PTPN13: variants seen among roughly 807,000 people sequenced by gnomAD.
PTPN13 encodes tyrosine-protein phosphatase non-receptor type 13.
PTPN13 carries 191 observed loss-of-function variants against 284.0 expected under a neutral mutation model. The ratio of observed to expected loss-of-function variants is 0.67; its 90% CI spans 0.60 to 0.76. The LOEUF (loss-of-function observed/expected upper bound fraction) is 0.76, where lower values mean the gene tolerates loss of function less well. PTPN13 is among the 30% of genes least tolerant of loss of function. The pLI is 0.00. For synonymous variants in PTPN13, 986 were observed against 1,022.3 expected (o/e 0.96, Z 0.68); for missense variants, 2,797 against 2,939.9 (o/e 0.95, Z 1.12).
At chr4:86,791,440 G>A (rs1310403870) in intron 40 of PTPN13, among the ~76,000 whole-genome samples, 3 of 152,206 alleles carry the variant, frequency 2.0e-5, no homozygotes, top group Non-Finnish European at 4.4e-5. Flanking sequence ...AGAACAAAAG[G>A]AAGCAGACAG....
At chr4:86,793,634 C>G (rs995732336) in intron 40 of PTPN13, among the ~76,000 whole-genome samples, 3 of 152,174 alleles carry the variant, frequency 2.0e-5, no homozygotes, top group Admixed American at 6.6e-5. Context: ...TGTAAAAGAA[C>G]AGAAATTATA....
At chr4:86,769,145 A>G (rs180770468) in intron 28 of PTPN13, among the ~76,000 whole-genome samples, 14 of 152,284 alleles carry the variant, frequency 9.2e-5, no homozygotes, top group Admixed American at 9.2e-4. Flanking sequence ...ATTTATTGAA[A>G]TATTGCAATT....
chr4:86,800,534 C>T (rs1743896054), intron 42 of PTPN13, among the ~76,000 whole-genome samples: 2 of 152,012 alleles, frequency 1.3e-5, no homozygotes, highest in African/African-American at 2.4e-5. Context: ...CACCTGTGAT[C>T]CCAGCTACTC....
chr4:86,692,115 T>C (rs1730091153), intron 5 of PTPN13, among the ~76,000 whole-genome samples: 1 of 152,212 alleles, frequency 6.6e-6, no homozygotes, highest in Admixed American at 6.5e-5. Context: ...GAGGATAATA[T>C]TGTCTACCAT....
chr4:86,643,471 A>T (rs1056252272), intron 2 of PTPN13, among the ~76,000 whole-genome samples: 3 of 152,186 alleles, frequency 2.0e-5, no homozygotes, highest in Non-Finnish European at 2.9e-5. Context: ...CACTCCTAAA[A>T]AAGTGCCTAA....
rs778044684 is a variant in PTPN13, at chr4:86,759,077, A to T, written c.3553+4A>T. 9 of 1,611,772 alleles carry T rather than the reference A, an allele frequency of 5.6e-6. No homozygotes were observed. Among genetic ancestry groups the T allele is most frequent in the Non-Finnish European group, 7.6e-6 (9 of 1,178,962 alleles). On this transcript the variant is annotated splice_donor_region_variant and intron_variant, in intron 23 of 47. Coordinates refer to ENST00000411767, the MANE Select transcript of PTPN13 (RefSeq NM_080683.3). ...CCAAAAGAAAAGATATCCAAAGGTA[A>T]TGTGAATGTCTCTTACTTATGTATT... is the stretch of plus-strand genomic sequence containing the variant.
Position 86,627,508 on chromosome 4 carries a change from G to T in PTPN13, c.-5-7744G>T, listed in dbSNP as rs185678416. Among the ~76,000 whole-genome samples the T allele has an allele frequency of 7.6e-3, 1,123 of 147,412 alleles. 20 individuals carry two copies. Among genetic ancestry groups the T allele is most frequent in the African/African-American group, 0.023 (919 of 40,258 alleles). Reference sequence around the variant, plus strand: ...CACCTTTGATTGGGTTTAGTTTTTGGTTTTTTTTTTTCTTTTTAACAGCTT... The same window carrying T: ...CACCTTTGATTGGGTTTAGTTTTTGTTTTTTTTTTTTCTTTTTAACAGCTT... On this transcript the variant is annotated intron_variant, in intron 1 of 47. Coordinates refer to ENST00000411767, the MANE Select transcript of PTPN13 (RefSeq NM_080683.3).
At chr4:86,740,610 T>C (rs1736070258) in intron 15 of PTPN13, among the ~76,000 whole-genome samples, 1 of 152,154 alleles carries the variant, frequency 6.6e-6, no homozygotes, top group African/African-American at 2.4e-5. Flanking sequence ...CTGGAAACCT[T>C]TTCCCCATTG....
At chr4:86,795,922 G>A (rs928436304) in intron 40 of PTPN13, among the ~76,000 whole-genome samples, 3 of 152,068 alleles carry the variant, frequency 2.0e-5, no homozygotes, top group Non-Finnish European at 4.4e-5. Flanking sequence ...ATAGCATTAG[G>A]AGAAATACCT....
chr4:86,755,996 G>A (rs1737919219), intron 20 of PTPN13, among the ~76,000 whole-genome samples: 1 of 151,400 alleles, frequency 6.6e-6, no homozygotes, highest in African/African-American at 2.4e-5. Context: ...TTTACTGCTT[G>A]GGGTTTTGAT....
At chr4:86,645,530 A>G (rs1031239526) in intron 2 of PTPN13, among the ~76,000 whole-genome samples, 3 of 152,234 alleles carry the variant, frequency 2.0e-5, no homozygotes, top group African/African-American at 7.2e-5. Context: ...GAAAGATACA[A>G]GATCAATATG....
At chr4:86,722,920 A>G (rs1447883195) in intron 10 of PTPN13, among the ~76,000 whole-genome samples, 1 of 152,190 alleles carries the variant, frequency 6.6e-6, no homozygotes, top group Admixed American at 6.5e-5. Flanking sequence ...AGCTCCAAAC[A>G]TCATATCCTC....
chr4:86,799,279 T>C (rs1743709565), intron 42 of PTPN13, 75 bp downstream of exon 42: 2 of 907,322 alleles, frequency 2.2e-6, no homozygotes, highest in Non-Finnish European at 3.3e-6. Context: ...TTTCAGACTA[T>C]ATGGATATGC....
intron 4 of PTPN13, among the ~76,000 whole-genome samples, chr4:86,688,053 A>G (rs1729627384): frequency 6.6e-6 from 1 of 152,202 alleles, no homozygotes; most frequent in African/African-American, 2.4e-5. Flanking sequence ...ACATAATGCA[A>G]TAAATGCTAT....
chr4:86,597,215 A>G (rs1763896055), intron 1 of PTPN13, among the ~76,000 whole-genome samples: 1 of 151,740 alleles, frequency 6.6e-6, no homozygotes, highest in Non-Finnish European at 1.5e-5. Context: ...GAAAATTAAA[A>G]TGGGTCAAAT....
chr4:86,632,770 G>A (rs55727138), intron 1 of PTPN13, among the ~76,000 whole-genome samples: 5,237 of 150,980 alleles, frequency 0.035, 144 homozygotes, highest in Non-Finnish European at 0.06. Context: ...ACAGCTTTTC[G>A]AGATATACTT....
At position 86,645,956 on chromosome 4, in the gene PTPN13, A is replaced by G. The variant is rs577893210; in HGVS notation, c.115+10585A>G. ...TTATTATAAAGCTACAGTAATCAAAATAAACAACTAGATCAATTGAACATA... is the reference window on the plus strand; with the variant it reads ...TTATTATAAAGCTACAGTAATCAAAGTAAACAACTAGATCAATTGAACATA... On this transcript the variant is annotated intron_variant, in intron 2 of 47. Coordinates refer to ENST00000411767, the MANE Select transcript of PTPN13 (RefSeq NM_080683.3). Among the ~76,000 whole-genome samples the G allele has an allele frequency of 1.5e-3, 228 of 152,334 alleles. 1 individual carries two copies. Among genetic ancestry groups the G allele is most frequent in the Non-Finnish European group, 2.8e-3 (188 of 68,026 alleles).
At chr4:86,713,940 A>G (rs924674457) in intron 7 of PTPN13, among the ~76,000 whole-genome samples, 19 of 152,110 alleles carry the variant, frequency 1.2e-4, no homozygotes, top group African/African-American at 4.6e-4. Context: ...CATCATGTGA[A>G]TGAAGACTGT....
At chr4:86,796,011 A>ACATG (rs1469053570) in intron 40 of PTPN13, among the ~76,000 whole-genome samples, 1 of 152,222 alleles carries the variant, frequency 6.6e-6, no homozygotes, top group Non-Finnish European at 1.5e-5. Context: ...CATGTTGTGC[A>ACATG]CATGTACCCT....
Sources: allele counts gnomAD v4.1 joint callset (sites outside exome capture counted in the v4.1 genomes callset), GRCh38; gene constraint gnomAD v4.1.1; transcripts MANE v1.5; gene names NCBI Gene and HGNC (gene_info 2026-07-23, HGNC 2026-07-21).